Variants in ZNF469 observed in about 807,000 individuals in gnomAD.
ZNF469 encodes the protein zinc finger protein 469.
ZNF469 carries 1 observed loss-of-function variant against 1.0 expected under a neutral mutation model. The observed-to-expected ratio is 1.00, with a 90% CI of 0.35 to 4.73. The LOEUF (loss-of-function observed/expected upper bound fraction) is 4.73, where lower values mean the gene tolerates loss of function less well. ZNF469 is among the 30% of genes most tolerant of loss of function. The pLI is 0.16. For synonymous variants in ZNF469, 2,703 were observed against 2,363.4 expected (o/e 1.14, Z -4.17); for missense variants, 6,100 against 5,356.3 (o/e 1.14, Z -4.33).
At chr16:88,327,053 C>A in the ZNF469 span, among the ~76,000 whole-genome samples, 7 of 152,214 alleles carry the variant, frequency 4.6e-5, no homozygotes, top group African/African-American at 1.7e-4. Context: ...GTCCTGATGT[C>A]CTTGGTCTGT....
the ZNF469 span, among the ~76,000 whole-genome samples, chr16:88,244,637 G>T: frequency 6.6e-6 from 1 of 150,426 alleles, no homozygotes; most frequent in African/African-American, 2.5e-5. Flanking sequence ...GAAAGGATGG[G>T]TTAGTAGATG....
chr16:88,196,311 C>G, the ZNF469 span, among the ~76,000 whole-genome samples: 1 of 152,202 alleles, frequency 6.6e-6, no homozygotes, highest in Admixed American at 6.5e-5. Context: ...TGGGTCAGGT[C>G]AGGTGCAAAA....
In ZNF469 at chr16:88,437,571, C is replaced by T. The variant is rs1906682110; in HGVS notation, c.10101C>T (p.Cys3367=). The change falls in exon 3 of 3, where the codon TGC becomes TGT. Residue 3367 remains cysteine, a synonymous_variant. Coordinates refer to ENST00000565624, the MANE Select transcript of ZNF469 (RefSeq NM_001367624.2). ...AVHSPQRVYL[C]PRCPRVYPEH... ...ACAGCCCGCAGCGCGTCTACCTGTG[C>T]CCCCGGTGCCCCCGGGTCTACCCCG... is the stretch of plus-strand genomic sequence containing the variant. The T allele has an allele frequency of 2.6e-6, 4 of 1,535,704 alleles. No individual in the cohort carries two copies. Among genetic ancestry groups the T allele is most frequent in the Non-Finnish European group, 1.8e-6 (2 of 1,136,640 alleles).
chr16:88,393,337 G>A (rs1432994513), intron 1 of ZNF469, among the ~76,000 whole-genome samples: 1 of 152,220 alleles, frequency 6.6e-6, no homozygotes, highest in African/African-American at 2.4e-5. Context: ...GAGCGCTCAG[G>A]GCCTGCCTGG....
the ZNF469 span, among the ~76,000 whole-genome samples, chr16:88,149,523 A>G: frequency 5.3e-5 from 8 of 151,886 alleles, no homozygotes; most frequent in Non-Finnish European, 7.4e-5. Flanking sequence ...TTCTCCTGAC[A>G]CCCTTTGCAG....
the ZNF469 span, among the ~76,000 whole-genome samples, chr16:88,231,005 C>T: frequency 2.6e-5 from 4 of 152,264 alleles, no homozygotes; most frequent in South Asian, 8.3e-4. This position sits in a 1 kb window ranked among gnomAD's most constrained non-coding sequence, Gnocchi z 4.5. Context: ...TCTAAAAGTC[C>T]TGGGAATCTG....
the ZNF469 span, among the ~76,000 whole-genome samples, chr16:88,207,416 G>A: frequency 3.9e-4 from 55 of 139,794 alleles, 16 homozygotes; most frequent in Admixed American, 4.3e-4. Context: ...AGGGGAGGCC[G>A]CGGGGACAGC....
chr16:88,215,383 A>ACTTTTTT, the ZNF469 span, among the ~76,000 whole-genome samples: 48 of 94,110 alleles, frequency 5.1e-4, 5 homozygotes, highest in East Asian at 6.7e-4. Context: ...TTGCCTTTTA[A>ACTTTTTT]TTTTTTTTTT....
At chr16:88,366,657 C>A in the ZNF469 span, among the ~76,000 whole-genome samples, 2 of 149,690 alleles carry the variant, frequency 1.3e-5, no homozygotes, top group African/African-American at 4.9e-5. Flanking sequence ...CCACCACCAT[C>A]ACCATCATTA....
the ZNF469 span, among the ~76,000 whole-genome samples, chr16:88,274,735 C>T: frequency 3.4e-4 from 52 of 152,204 alleles, 1 homozygote; most frequent in Non-Finnish European, 6.9e-4. Context: ...TTCTGCTATT[C>T]AGTTATTAGA....
the ZNF469 span, among the ~76,000 whole-genome samples, chr16:88,172,084 C>G: frequency 6.6e-6 from 1 of 152,178 alleles, no homozygotes; most frequent in Non-Finnish European, 1.5e-5. Context: ...ATCAAGGTGA[C>G]CATCTCACTG....
chr16:88,229,398 A>C, the ZNF469 span, among the ~76,000 whole-genome samples: 504 of 152,286 alleles, frequency 3.3e-3, 2 homozygotes, highest in African/African-American at 0.012. Context: ...GGACTTAACG[A>C]TGATCTGGAG....
At chr16:88,145,220 T>G in the ZNF469 span, among the ~76,000 whole-genome samples, 1 of 152,196 alleles carries the variant, frequency 6.6e-6, no homozygotes, top group Non-Finnish European at 1.5e-5. Flanking sequence ...TGATGTGTCA[T>G]GTTCAGGGAA....
intron 1 of ZNF469, among the ~76,000 whole-genome samples, chr16:88,410,796 G>C (rs572642973): frequency 5.3e-5 from 8 of 152,322 alleles, no homozygotes; most frequent in African/African-American, 1.9e-4. Flanking sequence ...ACGTGGTCAT[G>C]GTAAAGTTCA....
the ZNF469 span, among the ~76,000 whole-genome samples, chr16:88,340,775 G>A: frequency 6.6e-6 from 1 of 152,090 alleles, no homozygotes; most frequent in East Asian, 1.9e-4. Context: ...AGGGGAGGGT[G>A]GGGCAGAGGA....
the ZNF469 span, among the ~76,000 whole-genome samples, chr16:88,111,218 C>T: frequency 5.9e-5 from 9 of 152,314 alleles, no homozygotes; most frequent in South Asian, 2.1e-4. Flanking sequence ...AACCACTCCC[C>T]GCAGTGGCCA....
the ZNF469 span, among the ~76,000 whole-genome samples, chr16:88,285,519 G>A: frequency 6.6e-6 from 1 of 152,272 alleles, no homozygotes; most frequent in Admixed American, 6.5e-5. Context: ...AGCAGGGTCA[G>A]CCTGGTCACG....
chr16:88,109,791 G>A, the ZNF469 span, among the ~76,000 whole-genome samples: 1 of 151,854 alleles, frequency 6.6e-6, no homozygotes, highest in Non-Finnish European at 1.5e-5. Flanking sequence ...GTGCGTCTGT[G>A]TCCACGCTGT....
the ZNF469 span, among the ~76,000 whole-genome samples, chr16:88,255,886 A>T: frequency 6.6e-6 from 1 of 152,120 alleles, no homozygotes; most frequent in Non-Finnish European, 1.5e-5. Flanking sequence ...CTGGGCTGGC[A>T]TGTCTCTGGT....
Sources: allele counts gnomAD v4.1 joint callset (sites outside exome capture counted in the v4.1 genomes callset), GRCh38; gene constraint gnomAD v4.1.1; non-coding constraint Gnocchi (gnomAD v3.1); transcripts MANE v1.5; gene names NCBI Gene and HGNC (gene_info 2026-07-23, HGNC 2026-07-21).